PARM1: variants seen among roughly 807,000 people sequenced by gnomAD.
The protein encoded by PARM1 is prostate androgen-regulated mucin-like protein 1, also known as WSC4, cell wall integrity and stress response component 4 homolog.
A neutral mutation model predicts 24.6 loss-of-function variants in PARM1; 14 were observed. The ratio of observed to expected loss-of-function variants is 0.57; its 90% CI spans 0.38 to 0.89. PARM1 has a LOEUF of 0.89. Ranked by LOEUF, PARM1 falls within the 40% of genes least tolerant of loss-of-function variation. The pLI, the probability that PARM1 is intolerant of heterozygous loss-of-function variation, is 0.00. For missense variants in PARM1, 362 were observed against 380.4 expected (o/e 0.95, Z 0.40); for synonymous variants, 179 against 156.6 (o/e 1.14, Z -1.07).
At chr4:75,039,776 C>A (rs1218983044) in intron 3 of PARM1, among the ~76,000 whole-genome samples, 1 of 152,104 alleles carries the variant, frequency 6.6e-6, no homozygotes. Context: ...GATAGATTGC[C>A]CTGTTGTTTC....
At chr4:75,043,610 T>C (rs2109816668) in intron 3 of PARM1, among the ~76,000 whole-genome samples, 1 of 152,250 alleles carries the variant, frequency 6.6e-6, no homozygotes, top group South Asian at 2.1e-4. Flanking sequence ...GTTTATTGAG[T>C]ATATTTTGCC....
chr4:74,981,423 A>G (rs964608266), intron 1 of PARM1, among the ~76,000 whole-genome samples: 1 of 152,246 alleles, frequency 6.6e-6, no homozygotes, highest in East Asian at 1.9e-4. Context: ...CAAAACCGCA[A>G]TGAGATACAA....
At chr4:75,017,759 C>T (rs934073035) in intron 2 of PARM1, among the ~76,000 whole-genome samples, 1 of 152,214 alleles carries the variant, frequency 6.6e-6, no homozygotes, top group Non-Finnish European at 1.5e-5. Context: ...ACCCCTAGAA[C>T]AGAGCCCAAC....
chr4:75,031,741 AT>A (rs1371185044), intron 2 of PARM1, among the ~76,000 whole-genome samples: 1 of 152,216 alleles, frequency 6.6e-6, no homozygotes, highest in Non-Finnish European at 1.5e-5. Flanking sequence ...AAAATCAGCT[AT>A]ATTCATTCTT....
intron 3 of PARM1, among the ~76,000 whole-genome samples, chr4:75,042,769 A>G (rs1331205005): frequency 6.6e-6 from 1 of 152,032 alleles, no homozygotes; most frequent in Non-Finnish European, 1.5e-5. Flanking sequence ...ATAGTATCCA[A>G]TTTGTCCAAA....
intron 1 of PARM1, among the ~76,000 whole-genome samples, chr4:74,981,097 C>A (rs1722245326): frequency 6.6e-6 from 1 of 152,060 alleles, no homozygotes; most frequent in African/African-American, 2.4e-5. Flanking sequence ...GCAACAAAAG[C>A]AAACATTGAA....
At chr4:74,954,473 A>G (rs1326049062) in intron 1 of PARM1, among the ~76,000 whole-genome samples, 2 of 152,382 alleles carry the variant, frequency 1.3e-5, no homozygotes, top group South Asian at 2.1e-4. Context: ...CTAACAACGT[A>G]AACTTGACCT....
chr4:74,933,414 C>T (rs756060173), intron 1 of PARM1, 44 bp downstream of exon 1: 4 of 1,568,410 alleles, frequency 2.6e-6, no homozygotes, highest in Non-Finnish European at 3.5e-6. Flanking sequence ...GCGGGGTGGG[C>T]CCCAGTAGCT....
At chr4:75,032,645 A>G (rs1275728310) in intron 2 of PARM1, among the ~76,000 whole-genome samples, 1 of 152,176 alleles carries the variant, frequency 6.6e-6, no homozygotes, top group Non-Finnish European at 1.5e-5. Flanking sequence ...CCTTAAAATC[A>G]TGCAAGATGG....
At chr4:74,999,273 T>G (rs1156258525) in intron 1 of PARM1, 1 of 152,256 alleles carries the variant, frequency 6.6e-6, no homozygotes, top group Non-Finnish European at 1.5e-5. Context: ...GAAAAGGAGC[T>G]GAAAGGCAGA....
chr4:75,026,056 C>CT (rs1360193969), intron 2 of PARM1, among the ~76,000 whole-genome samples: 1 of 152,178 alleles, frequency 6.6e-6, no homozygotes, highest in Non-Finnish European at 1.5e-5. Context: ...GGGAAAAGGA[C>CT]TAATTTACTA....
chr4:75,040,403 T>G (rs1723458782), intron 3 of PARM1, among the ~76,000 whole-genome samples: 1 of 152,146 alleles, frequency 6.6e-6, no homozygotes, highest in African/African-American at 2.4e-5. Context: ...CAAGATATGC[T>G]TGAAAGTAAC....
chr4:75,028,741 C>T (rs1723226241), intron 2 of PARM1, among the ~76,000 whole-genome samples: 1 of 152,178 alleles, frequency 6.6e-6, no homozygotes, highest in African/African-American at 2.4e-5. Flanking sequence ...CCTCCTCCAC[C>T]CCCAGCTCTC....
intron 1 of PARM1, among the ~76,000 whole-genome samples, chr4:74,985,496 C>T (rs964988782): frequency 1.3e-5 from 2 of 152,146 alleles, no homozygotes; most frequent in African/African-American, 4.8e-5. Flanking sequence ...ACTATTATCC[C>T]ATTTCACAAG....
chr4:74,943,427 G>T (rs540639862), intron 1 of PARM1, among the ~76,000 whole-genome samples: 14 of 151,938 alleles, frequency 9.2e-5, no homozygotes, highest in African/African-American at 3.4e-4. Context: ...TGCCTTAAAT[G>T]ACCCAAAAGT....
At chr4:74,955,975 C>A (rs899530158) in intron 1 of PARM1, 7 of 152,300 alleles carry the variant, frequency 4.6e-5, no homozygotes, top group African/African-American at 1.7e-4. Context: ...CAAAAGAAAT[C>A]AGACTAGTAG....
chr4:75,049,725 T>C lies in PARM1; in HGVS notation c.*3478T>C, dbSNP rs1481055885. 6.5e-6 allele frequency: 1 copy of C among 152,674 alleles called. No individual in the cohort carries two copies. The highest frequency in any genetic ancestry group is 6.5e-5 in the Admixed American group (1 of 15,284). 9.5% of individuals were successfully genotyped at this position (152,674 alleles called of 1,614,324 possible). A position where few individuals can be genotyped will look rare whatever the true frequency, so the allele number is the denominator to read the frequency against. On this transcript the variant is annotated 3_prime_UTR_variant, in exon 4 of 4. Coordinates refer to ENST00000307428, the MANE Select transcript of PARM1 (RefSeq NM_015393.4). ...GGATTCTTTGTGGGGTTAATTTTGA[T>C]TTGATGTCATCTGTTTGCCCTTCAT... is the stretch of plus-strand genomic sequence containing the variant.
chr4:75,043,912 G>C (rs1193563102), intron 3 of PARM1, among the ~76,000 whole-genome samples: 1 of 152,074 alleles, frequency 6.6e-6, no homozygotes, highest in Non-Finnish European at 1.5e-5. Context: ...TGAGCCTTTA[G>C]GGAAAGCAAA....
At chr4:74,957,686 CTAGAG>C (rs1178363986) in intron 1 of PARM1, among the ~76,000 whole-genome samples, 26 of 152,254 alleles carry the variant, frequency 1.7e-4, no homozygotes, top group Admixed American at 1.6e-3. Context: ...TGTCATTTGT[CTAGAG>C]TAGAGAGCTG....
Sources: gnomAD v4.1 joint callset for allele counts (sites outside exome capture counted in the v4.1 genomes callset) on GRCh38, gnomAD v4.1.1 for gene constraint, MANE v1.5 for transcripts, NCBI Gene and HGNC (gene_info 2026-07-23, HGNC 2026-07-21) for gene names.